Variants in RALGPS2 observed in about 807,000 individuals in gnomAD.
RALGPS2 encodes the protein ras-specific guanine nucleotide-releasing factor RalGPS2.
Under a neutral mutation model 86.8 loss-of-function variants are expected in RALGPS2, and 43 were observed. The ratio of observed to expected loss-of-function variants is 0.50; its 90% CI spans 0.39 to 0.64. The LOEUF (loss-of-function observed/expected upper bound fraction) is 0.64. Among genes scored for constraint, RALGPS2 ranks in the 30% least tolerant of loss-of-function variants. The pLI, the probability that RALGPS2 is intolerant of heterozygous loss-of-function variation, is 0.00. For synonymous variants in RALGPS2, 243 were observed against 231.3 expected (o/e 1.05, Z -0.46); for missense variants, 536 against 694.6 (o/e 0.77, Z 2.57).
At chr1:178,760,727 CT>C (rs1652195868) in intron 1 of RALGPS2, among the ~76,000 whole-genome samples, 1 of 152,034 alleles carries the variant, frequency 6.6e-6, no homozygotes, top group South Asian at 2.1e-4. Context: ...AGATTATTTC[CT>C]TAGCATTGAC....
chr1:178,852,089 G>A (rs1228279927), intron 8 of RALGPS2, among the ~76,000 whole-genome samples: 1 of 152,112 alleles, frequency 6.6e-6, no homozygotes, highest in African/African-American at 2.4e-5. Context: ...CCCCCTCAAA[G>A]AAATGCTCTT....
chr1:178,751,877 T>C (rs370220212), intron 1 of RALGPS2, among the ~76,000 whole-genome samples: 1 of 152,220 alleles, frequency 6.6e-6, no homozygotes, highest in East Asian at 1.9e-4. Flanking sequence ...GTGTTGTTAC[T>C]TTTAAAAGAC....
chr1:178,730,531 G>C (rs1650275790), intron 1 of RALGPS2, among the ~76,000 whole-genome samples: 1 of 148,794 alleles, frequency 6.7e-6, no homozygotes, highest in African/African-American at 2.5e-5. Flanking sequence ...TCTACAAACT[G>C]TCCCAATATC....
intron 5 of RALGPS2, among the ~76,000 whole-genome samples, chr1:178,810,174 G>A (rs1488523519): frequency 2.0e-5 from 3 of 151,700 alleles, no homozygotes; most frequent in Admixed American, 6.6e-5. Context: ...ACCTGAGCTC[G>A]GGAGTTTGAG....
chr1:178,826,320 GAATA>G (rs1336944142), intron 7 of RALGPS2, among the ~76,000 whole-genome samples: 4 of 152,296 alleles, frequency 2.6e-5, no homozygotes, highest in Admixed American at 6.5e-5. Context: ...GTGGATGAAT[GAATA>G]GACAAAATAT....
At chr1:178,894,636 G>T (rs764626256) in intron 16 of RALGPS2, among the ~76,000 whole-genome samples, 7 of 152,008 alleles carry the variant, frequency 4.6e-5, no homozygotes, top group Non-Finnish European at 8.8e-5. Context: ...TAAAACCTGT[G>T]AATTGTTTAT....
intron 8 of RALGPS2, among the ~76,000 whole-genome samples, chr1:178,839,181 G>T (rs917018397): frequency 6.6e-6 from 1 of 152,082 alleles, no homozygotes; most frequent in Non-Finnish European, 1.5e-5. Flanking sequence ...GATACTCCTC[G>T]AGAAGAGCAA....
chr1:178,816,357 G>A (rs1655229047), intron 6 of RALGPS2, among the ~76,000 whole-genome samples: 1 of 151,680 alleles, frequency 6.6e-6, no homozygotes, highest in South Asian at 2.1e-4. Flanking sequence ...CTTTTCATAT[G>A]TATGTGGACC....
intron 16 of RALGPS2, among the ~76,000 whole-genome samples, chr1:178,894,564 A>G (rs539720787): frequency 1.7e-4 from 26 of 152,204 alleles, no homozygotes; most frequent in Non-Finnish European, 3.5e-4. Flanking sequence ...GATTATGTCC[A>G]CAGAAGCACA....
At chr1:178,750,524 A>T (rs1220876910) in intron 1 of RALGPS2, among the ~76,000 whole-genome samples, 1 of 152,196 alleles carries the variant, frequency 6.6e-6, no homozygotes, top group Non-Finnish European at 1.5e-5. Flanking sequence ...GCTTTTACTG[A>T]TGATGGTATG....
At chr1:178,892,834 A>T (rs1659775624) in intron 15 of RALGPS2, among the ~76,000 whole-genome samples, 2 of 152,032 alleles carry the variant, frequency 1.3e-5, no homozygotes. Flanking sequence ...TTAGCTGTGG[A>T]GGCAGATAAG....
At chr1:178,863,466 T>A (rs1014811499) in intron 8 of RALGPS2, among the ~76,000 whole-genome samples, 1 of 152,344 alleles carries the variant, frequency 6.6e-6, no homozygotes, top group East Asian at 1.9e-4. Context: ...AAAAGCCACC[T>A]AGGTGTGTTT....
intron 6 of RALGPS2, among the ~76,000 whole-genome samples, chr1:178,812,588 T>C (rs1655034020): frequency 1.3e-5 from 2 of 152,216 alleles, no homozygotes; most frequent in Non-Finnish European, 2.9e-5. Context: ...TCTCAAAATA[T>C]GTCAAAGAAG....
At chr1:178,799,398 A>G (rs1051807859) in intron 4 of RALGPS2, among the ~76,000 whole-genome samples, 10 of 152,086 alleles carry the variant, frequency 6.6e-5, no homozygotes, top group African/African-American at 2.2e-4. Context: ...CAAAGGACAT[A>G]TATTAGCAAG....
At chr1:178,783,974 ACT>A (rs373990106) in intron 2 of RALGPS2, among the ~76,000 whole-genome samples, 1 of 152,208 alleles carries the variant, frequency 6.6e-6, no homozygotes, top group East Asian at 1.9e-4. Flanking sequence ...ATTATATGTA[ACT>A]CTTTAATTAA....
rs555829186 is a variant in RALGPS2 at position 178,847,097 on chromosome 1, C to G, written c.607+13547C>G. ...TAAAATTTTGAGTTCATTCATCAGT[C>G]TTTCCTGTAATTATGTGTACAATTA... On this transcript the variant is annotated intron_variant, in intron 8 of 19. Coordinates refer to ENST00000367635, the MANE Select transcript of RALGPS2 (RefSeq NM_152663.5). Among the ~76,000 whole-genome samples the G allele has an allele frequency of 3.5e-4, 54 of 152,328 alleles. 1 individual carries two copies. The Middle Eastern group carries it at 0.01, about 29-fold the overall frequency.
chr1:178,891,717 A>G (rs1659717788), intron 14 of RALGPS2, among the ~76,000 whole-genome samples: 1 of 151,982 alleles, frequency 6.6e-6, no homozygotes, highest in South Asian at 2.1e-4. Flanking sequence ...TATATTACTC[A>G]GTTCATTTCT....
intron 8 of RALGPS2, chr1:178,853,227 C>T (rs1452495611): frequency 1.0e-6 from 1 of 984,578 alleles, no homozygotes; most frequent in Non-Finnish European, 1.2e-6. Flanking sequence ...TAAAATTTAT[C>T]CATAGCTACT....
chr1:178,748,468 C>G (rs1398155306), intron 1 of RALGPS2, among the ~76,000 whole-genome samples: 2 of 152,160 alleles, frequency 1.3e-5, no homozygotes, highest in Admixed American at 6.5e-5. Flanking sequence ...TGTGATGTGA[C>G]TATACTATTT....
Sources: gnomAD v4.1 joint callset for allele counts (sites outside exome capture counted in the v4.1 genomes callset) on GRCh38, gnomAD v4.1.1 for gene constraint, MANE v1.5 for transcripts, NCBI Gene and HGNC (gene_info 2026-07-23, HGNC 2026-07-21) for gene names.